RAD51B: variants seen among roughly 807,000 people sequenced by gnomAD.
The protein encoded by RAD51B is DNA repair protein RAD51 homolog 2.
RAD51B carries 38 observed loss-of-function variants against 42.2 expected under a neutral mutation model. The ratio of observed to expected loss-of-function variants is 0.90; its 90% CI spans 0.70 to 1.18. RAD51B has a LOEUF of 1.18. Ranked by LOEUF, RAD51B falls within the 50% of genes most tolerant of loss-of-function variation. The pLI is 0.00. For synonymous variants in RAD51B, 154 were observed against 145.2 expected, an observed-to-expected ratio of 1.06 and a Z score of -0.43; for missense variants, 373 against 400.7, an observed-to-expected ratio of 0.93 and a Z score of 0.59.
intron 10 of RAD51B, among the ~76,000 whole-genome samples, chr14:68,489,954 T>C (rs1465805928): frequency 6.6e-6 from 1 of 152,210 alleles, no homozygotes; most frequent in Non-Finnish European, 1.5e-5. Context: ...CTGGCAGATA[T>C]ATGTGAATGG....
Position 67,856,918 on chromosome 14 carries a change from TG to T in RAD51B, c.316-8084del, listed in dbSNP as rs542262218. On this transcript the variant is annotated intron_variant, in intron 4 of 10. Transcript: ENST00000471583. ...TTGGCTCTAACTATATGAAGTGAAT[TG>T]TTTTTTTACTGGTGTTTTCGCTGTG... 1.4e-4 allele frequency among the ~76,000 whole-genome samples: 22 copies of T among 152,236 alleles called. No homozygotes were observed. In the South Asian group the frequency reaches 4.6e-3, roughly 32 times the overall value.
At chr14:68,023,352 T>C (rs1208439665) in intron 7 of RAD51B, among the ~76,000 whole-genome samples, 3 of 152,188 alleles carry the variant, frequency 2.0e-5, no homozygotes, top group Non-Finnish European at 4.4e-5. Flanking sequence ...TCTTCTTTTT[T>C]TTTGAGACAG....
chr14:68,011,278 G>A (rs907637075), intron 7 of RAD51B, among the ~76,000 whole-genome samples: 3 of 151,864 alleles, frequency 2.0e-5, no homozygotes, highest in African/African-American at 4.8e-5. Context: ...TTTTACTTAC[G>A]TAAATTTATT....
At chr14:67,907,782 CAGAATAAAT>C (rs1422729159) in intron 7 of RAD51B, among the ~76,000 whole-genome samples, 1 of 152,082 alleles carries the variant, frequency 6.6e-6, no homozygotes, top group African/African-American at 2.4e-5. Flanking sequence ...AAGTATTAAA[CAGAATAAAT>C]ATATTGAGGT....
In RAD51B at chr14:67,896,205, T is replaced by G. The variant is rs117578312; in HGVS notation, c.756+9001T>G. On this transcript the variant is annotated intron_variant, in intron 7 of 10. Coordinates refer to ENST00000471583, the MANE Select transcript of RAD51B (RefSeq NM_133510.4). Reference sequence around the variant, plus strand: ...TATCACACTTTTTCTAGTTAGGCAATTTTTGAAATGCATGTCTAATTAGAT... The same window carrying G: ...TATCACACTTTTTCTAGTTAGGCAAGTTTTGAAATGCATGTCTAATTAGAT... Among the ~76,000 whole-genome samples the G allele has an allele frequency of 4.6e-3, 707 of 152,328 alleles. 3 individuals are homozygous for G. The highest frequency in any genetic ancestry group is 7.7e-3 in the Non-Finnish European group (526 of 68,018).
At chr14:67,829,020 G>T (rs549201098) in intron 3 of RAD51B, among the ~76,000 whole-genome samples, 25 of 152,316 alleles carry the variant, frequency 1.6e-4, no homozygotes, top group Admixed American at 1.5e-3. Flanking sequence ...ATTCTGTGAA[G>T]AATGTGAATG....
intron 10 of RAD51B, chr14:68,541,121 A>G (rs1887941154): frequency 1.0e-6 from 1 of 985,434 alleles, no homozygotes; most frequent in South Asian, 4.7e-5. Context: ...CCAGATGTGT[A>G]GGTTTAGGCT....
Position 68,411,412 on chromosome 14 carries a change from A to G in RAD51B, c.854-12A>G, listed in dbSNP as rs2140082563. 1.9e-6 allele frequency: 3 copies of G among 1,612,408 alleles called. No homozygotes were observed. The highest frequency in any genetic ancestry group is 2.5e-6 in the Non-Finnish European group (3 of 1,178,646). On this transcript the variant is annotated splice_polypyrimidine_tract_variant and intron_variant, in intron 8 of 10. Coordinates refer to ENST00000471583, the MANE Select transcript of RAD51B (RefSeq NM_133510.4). ...GGGCATCTGAAAGCGTGCTTTTACC[A>G]TTTCATTTCAGGCACTTCTGGATCC...
intron 7 of RAD51B, among the ~76,000 whole-genome samples, chr14:68,257,241 T>C (rs1349091573): frequency 1.3e-5 from 2 of 152,176 alleles, no homozygotes; most frequent in African/African-American, 2.4e-5. Flanking sequence ...ACAGAATTTA[T>C]TGGGAATAAG....
intron 4 of RAD51B, among the ~76,000 whole-genome samples, chr14:67,837,611 G>C (rs2041286890): frequency 6.8e-6 from 1 of 146,786 alleles, no homozygotes; most frequent in South Asian, 2.1e-4. Flanking sequence ...TGAGTACAGG[G>C]AGTATATCAA....
Position 67,865,123 on chromosome 14 carries a change from G to C in RAD51B, c.436G>C (p.Ala146Pro). 6.3e-7 allele frequency: 1 copy of C among 1,597,810 alleles called. No individual in the cohort carries two copies. The highest frequency in any genetic ancestry group is 1.1e-5 in the South Asian group (1 of 87,928). The change falls in exon 5 of 11, where the codon GCA becomes CCA. Residue 146 changes from alanine (A) to proline (P), a missense_variant. Coordinates refer to ENST00000471583, the MANE Select transcript of RAD51B (RefSeq NM_133510.4). ...TGTGGTGTACATTGACACAGAGTCT[G>C]CATTTAGTGCTGAAAGGTATGAGAT... ...GAVVYIDTES[A>P]FSAERLVEIA...
chr14:68,533,628 A>C (rs945711542), intron 10 of RAD51B, among the ~76,000 whole-genome samples: 13 of 152,174 alleles, frequency 8.5e-5, no homozygotes, highest in Non-Finnish European at 1.3e-4. Context: ...AGTAAGACAT[A>C]AACTGAGATC....
At chr14:67,889,520 TAA>T (rs2043156451) in intron 7 of RAD51B, among the ~76,000 whole-genome samples, 1 of 148,048 alleles carries the variant, frequency 6.8e-6, no homozygotes, top group Non-Finnish European at 1.5e-5. Context: ...TATAAATATA[TAA>T]AAATAAAAAA....
chr14:67,932,231 TG>T (rs1207192646), intron 7 of RAD51B, among the ~76,000 whole-genome samples: 11 of 152,258 alleles, frequency 7.2e-5, no homozygotes, highest in Non-Finnish European at 1.2e-4. Flanking sequence ...TCATAGGAGA[TG>T]TATCAATGGT....
chr14:68,109,772 A>C (rs1177294445), intron 7 of RAD51B, among the ~76,000 whole-genome samples: 2 of 151,940 alleles, frequency 1.3e-5, no homozygotes, highest in Non-Finnish European at 2.9e-5. Context: ...GTACTTGATA[A>C]CATGAGGCAC....
At chr14:67,880,555 TTTGA>T (rs2042872332) in intron 5 of RAD51B, among the ~76,000 whole-genome samples, 1 of 152,216 alleles carries the variant, frequency 6.6e-6, no homozygotes, top group South Asian at 2.1e-4. Context: ...TAGTGCACAG[TTTGA>T]CAACCCCTGC....
Position 68,477,695 on chromosome 14 carries a change from G to C in RAD51B, c.*31G>C. 1 of 1,610,838 alleles carries C rather than the reference G, an allele frequency of 6.2e-7. No individual in the cohort carries two copies. Among genetic ancestry groups the C allele is most frequent in the Non-Finnish European group, 8.5e-7 (1 of 1,179,072 alleles). On this transcript the variant is annotated 3_prime_UTR_variant, in exon 11 of 11. Transcript: ENST00000471583. ...CTGTGACCTTTGTCTAGAGTTGATGGGGGTGTGATTTGTGAAATAAAACAG... is the reference window on the plus strand; with the variant it reads ...CTGTGACCTTTGTCTAGAGTTGATGCGGGTGTGATTTGTGAAATAAAACAG...
At chr14:68,497,161 C>A in intron 10 of RAD51B, 1 of 1,400,056 alleles carries the variant, frequency 7.1e-7, no homozygotes, top group Non-Finnish European at 9.6e-7. Flanking sequence ...ATGTGCAAAC[C>A]TGTTCATCTT....
intron 11 of RAD51B, among the ~76,000 whole-genome samples, chr14:68,664,163 G>T (rs1379415065): frequency 1.3e-5 from 2 of 152,144 alleles, no homozygotes; most frequent in African/African-American, 4.8e-5. Flanking sequence ...AGCTAGAGAG[G>T]CAGTCAATTC....
Sources: allele counts gnomAD v4.1 joint callset (sites outside exome capture counted in the v4.1 genomes callset), GRCh38; gene constraint gnomAD v4.1.1; transcripts MANE v1.5; gene names NCBI Gene and HGNC (gene_info 2026-07-23, HGNC 2026-07-21).